Variants in IMMP2L observed in about 807,000 individuals in gnomAD.
IMMP2L encodes the protein mitochondrial inner membrane protease subunit 2.
A neutral mutation model predicts 19.3 loss-of-function variants in IMMP2L; 18 were observed. That is an observed-to-expected ratio of 0.93 (90% CI 0.64 to 1.38). The LOEUF (loss-of-function observed/expected upper bound fraction) is 1.38, where lower values mean the gene tolerates loss of function less well. IMMP2L is among the 40% of genes most tolerant of loss of function. The pLI, the probability that IMMP2L is intolerant of heterozygous loss-of-function variation, is 0.00. For missense variants in IMMP2L, 233 were observed against 218.2 expected, an observed-to-expected ratio of 1.07 and a Z score of -0.43; for synonymous variants, 76 against 73.0, an observed-to-expected ratio of 1.04 and a Z score of -0.21.
At chr7:110,691,741 T>G (rs1161511896) in intron 5 of IMMP2L, among the ~76,000 whole-genome samples, 1 of 151,890 alleles carries the variant, frequency 6.6e-6, no homozygotes, top group Non-Finnish European at 1.5e-5. Flanking sequence ...AAATGAAAAT[T>G]AAAACCACAA....
At chr7:110,872,164 A>C (rs1585093970) in intron 5 of IMMP2L, among the ~76,000 whole-genome samples, 2 of 152,248 alleles carry the variant, frequency 1.3e-5, no homozygotes, top group East Asian at 1.9e-4. Flanking sequence ...TAAACTAATC[A>C]CACTTAGTCT....
intron 3 of IMMP2L, among the ~76,000 whole-genome samples, chr7:111,238,719 G>C (rs2129628185): frequency 6.6e-6 from 1 of 152,058 alleles, no homozygotes; most frequent in African/African-American, 2.4e-5. Context: ...ACACACACTT[G>C]TTACATAGAA....
intron 3 of IMMP2L, among the ~76,000 whole-genome samples, chr7:111,415,536 A>G (rs1328950329): frequency 6.6e-6 from 1 of 151,834 alleles, no homozygotes; most frequent in African/African-American, 2.4e-5. Flanking sequence ...CAAATCACCA[A>G]CGTCAACAAA....
chr7:111,119,595 A>C (rs1237066298), intron 3 of IMMP2L, among the ~76,000 whole-genome samples: 6 of 152,216 alleles, frequency 3.9e-5, no homozygotes, highest in Non-Finnish European at 8.8e-5. Flanking sequence ...GATGTTAGTA[A>C]ATACTTATAC....
At chr7:110,852,654 A>T (rs1382589891) in intron 5 of IMMP2L, among the ~76,000 whole-genome samples, 5 of 152,024 alleles carry the variant, frequency 3.3e-5, no homozygotes, top group Non-Finnish European at 5.9e-5. Context: ...AGATGTCTCT[A>T]AGCTTCACTA....
intron 3 of IMMP2L, among the ~76,000 whole-genome samples, chr7:111,430,741 T>C (rs1363514580): frequency 6.6e-6 from 1 of 151,602 alleles, no homozygotes; most frequent in Non-Finnish European, 1.5e-5. Context: ...AATAAGAACC[T>C]ATACCAGTTC....
At chr7:111,352,040 A>AT (rs1359794832) in intron 3 of IMMP2L, among the ~76,000 whole-genome samples, 1 of 152,136 alleles carries the variant, frequency 6.6e-6, no homozygotes, top group African/African-American at 2.4e-5. Context: ...TTCCAGTTGC[A>AT]TTTTATATCA....
chr7:111,174,826 A>C (rs967438406), intron 3 of IMMP2L, among the ~76,000 whole-genome samples: 4 of 151,828 alleles, frequency 2.6e-5, no homozygotes, highest in African/African-American at 9.7e-5. Flanking sequence ...AAAAACATGC[A>C]AGGCAGAAGA....
chr7:111,528,122 A>T (rs1474072999), intron 1 of IMMP2L, among the ~76,000 whole-genome samples: 3 of 152,182 alleles, frequency 2.0e-5, no homozygotes, highest in Non-Finnish European at 4.4e-5. Context: ...AATTTTCTTA[A>T]AGTTTTATGG....
At chr7:111,220,375 A>C (rs982101156) in intron 3 of IMMP2L, among the ~76,000 whole-genome samples, 12 of 152,086 alleles carry the variant, frequency 7.9e-5, no homozygotes, top group Admixed American at 2.0e-4. Context: ...TTTTAAAACA[A>C]ATCAGATGGT....
chr7:111,499,210 C>T (rs1843901089), intron 2 of IMMP2L, among the ~76,000 whole-genome samples: 1 of 152,054 alleles, frequency 6.6e-6, no homozygotes, highest in African/African-American at 2.4e-5. Context: ...GATATTCCAC[C>T]AGCCAAAATG....
chr7:111,440,774 G>C lies in IMMP2L; in HGVS notation c.239+46464C>G, dbSNP rs148558583. ...CTCCTCTGTAGCTAGAGAACTCCTAGATGGTATCTTCTTCCTATATAAAGC... is the reference window on the plus strand; with the variant it reads ...CTCCTCTGTAGCTAGAGAACTCCTACATGGTATCTTCTTCCTATATAAAGC... On this transcript the variant is annotated intron_variant, in intron 3 of 5. Transcript: ENST00000405709. 1.8e-3 allele frequency among the ~76,000 whole-genome samples: 279 copies of C among 151,982 alleles called. 9 individuals are homozygous for C. Among genetic ancestry groups the C allele is most frequent in the African/African-American group, 6.4e-3 (265 of 41,294 alleles).
At chr7:111,259,295 C>G (rs780809371) in intron 3 of IMMP2L, among the ~76,000 whole-genome samples, 25 of 151,988 alleles carry the variant, frequency 1.6e-4, no homozygotes, top group Non-Finnish European at 3.2e-4. Flanking sequence ...ACTTTATAAA[C>G]ACTGTACATT....
chr7:110,965,609 C>G (rs970161813), intron 3 of IMMP2L, among the ~76,000 whole-genome samples: 3 of 151,838 alleles, frequency 2.0e-5, no homozygotes, highest in Non-Finnish European at 2.9e-5. Context: ...CATATTCAAG[C>G]TAATGAAATT....
chr7:111,436,858 T>C lies in IMMP2L; in HGVS notation c.239+50380A>G, dbSNP rs575848104. On this transcript the variant is annotated intron_variant, in intron 3 of 5. Transcript: ENST00000405709. Reference sequence around the variant, plus strand: ...GAGGGCCTGAGGAAGTTTCCAGTCATGGCAGAAGGTGAAGGGGGTGCAGGT... The same window carrying C: ...GAGGGCCTGAGGAAGTTTCCAGTCACGGCAGAAGGTGAAGGGGGTGCAGGT... Among the ~76,000 whole-genome samples the C allele has an allele frequency of 3.9e-5, 6 of 151,900 alleles. No individual in the cohort carries two copies. The East Asian group carries it at 7.7e-4, about 20-fold the overall frequency.
rs539769537 is a variant in IMMP2L at position 110,746,085 on chromosome 7, A to C, written c.409-82364T>G. ...TACCAAGCAAATGGAAAGAAAGAAA[A>C]AAAAAGCAGGGGTTGCAATCCTAGT... On this transcript the variant is annotated intron_variant, in intron 5 of 5. Coordinates refer to ENST00000405709, the MANE Select transcript of IMMP2L (RefSeq NM_032549.4). Among the ~76,000 whole-genome samples the C allele has an allele frequency of 5.9e-5, 9 of 152,336 alleles. No individual in the cohort carries two copies. In the South Asian group the frequency reaches 1.9e-3, roughly 32 times the overall value.
intron 4 of IMMP2L, among the ~76,000 whole-genome samples, chr7:110,953,205 T>C (rs1041444222): frequency 6.6e-6 from 1 of 152,176 alleles, no homozygotes; most frequent in Non-Finnish European, 1.5e-5. Flanking sequence ...CTGGGGTACA[T>C]GTGCTGAATG....
At chr7:110,677,212 C>T (rs1186975513) in intron 5 of IMMP2L, among the ~76,000 whole-genome samples, 5 of 151,788 alleles carry the variant, frequency 3.3e-5, no homozygotes, top group African/African-American at 4.8e-5. Context: ...TGGATGCCAG[C>T]GAAACAGATG....
At chr7:110,700,250 C>T (rs1794179887) in intron 5 of IMMP2L, among the ~76,000 whole-genome samples, 1 of 152,186 alleles carries the variant, frequency 6.6e-6, no homozygotes, top group Admixed American at 6.5e-5. Context: ...TTGCTTTCAC[C>T]TGATCTGGGA....
Sources: gnomAD v4.1 joint callset for allele counts (sites outside exome capture counted in the v4.1 genomes callset) on GRCh38, gnomAD v4.1.1 for gene constraint, MANE v1.5 for transcripts, NCBI Gene and HGNC (gene_info 2026-07-23, HGNC 2026-07-21) for gene names.